Variants in KCNN3 observed in about 807,000 individuals in gnomAD.
KCNN3 encodes potassium calcium-activated channel subfamily N member 3, also known as small conductance calcium-activated potassium channel protein 3.
Under a neutral mutation model 62.9 loss-of-function variants are expected in KCNN3, and 16 were observed. The ratio of observed to expected loss-of-function variants is 0.25; its 90% confidence interval spans 0.17 to 0.39. The LOEUF (loss-of-function observed/expected upper bound fraction) is 0.39. KCNN3 is among the 10% of genes least tolerant of loss of function. The probability of loss-of-function intolerance (pLI) is 1.00; values close to 1 mark genes in which losing one functional copy is unlikely to be tolerated. For missense variants in KCNN3, 599 were observed against 949.4 expected (o/e 0.63, Z 4.85); for synonymous variants, 370 against 389.2 (o/e 0.95, Z 0.58).
intron 2 of KCNN3, among the ~76,000 whole-genome samples, chr1:154,803,628 G>A (rs966904346): frequency 6.6e-5 from 10 of 152,326 alleles, no homozygotes; most frequent in South Asian, 6.2e-4. Context: ...ACCAAGGAGC[G>A]TTGAGTCCTG....
chr1:154,853,068 C>G (rs1558007927), intron 1 of KCNN3, among the ~76,000 whole-genome samples: 1 of 152,152 alleles, frequency 6.6e-6, no homozygotes, highest in Non-Finnish European at 1.5e-5. Flanking sequence ...CAGCTCACTG[C>G]ATCCTCGAAT....
Position 154,822,198 on chromosome 1 carries a change from GGA to G in KCNN3, c.934-16_934-15del. The G allele has an allele frequency of 6.3e-6, 10 of 1,580,326 alleles. No individual in the cohort carries two copies. Among genetic ancestry groups the G allele is most frequent in the Non-Finnish European group, 8.7e-6 (10 of 1,149,084 alleles). ...AAACATGGAGTCCTGCAGGAACAAT[GGA>G]GAGAGAGAATTAGGGAGTGCGGGGA... On this transcript the variant is annotated splice_polypyrimidine_tract_variant and intron_variant, in intron 1 of 7. Coordinates refer to ENST00000271915, the MANE Select transcript of KCNN3 (RefSeq NM_002249.6).
chr1:154,712,278 T>C (rs1245905120), intron 7 of KCNN3, among the ~76,000 whole-genome samples: 1 of 152,116 alleles, frequency 6.6e-6, no homozygotes, highest in Admixed American at 6.5e-5. Flanking sequence ...GTTTCTGATA[T>C]TAAAACCAAC....
chr1:154,861,324 G>A (rs891071883), intron 1 of KCNN3, among the ~76,000 whole-genome samples: 1 of 152,098 alleles, frequency 6.6e-6, no homozygotes, highest in Non-Finnish European at 1.5e-5. Context: ...GCCTGAGTGT[G>A]CAGAACTCTG....
intron 5 of KCNN3, among the ~76,000 whole-genome samples, chr1:154,721,266 A>G (rs1700340243): frequency 6.6e-6 from 1 of 150,734 alleles, no homozygotes; most frequent in South Asian, 2.1e-4. Context: ...GTGTGTCCAT[A>G]GCAGCCCACT....
chr1:154,783,653 T>A (rs905178036), intron 2 of KCNN3, among the ~76,000 whole-genome samples: 2 of 152,032 alleles, frequency 1.3e-5, no homozygotes, highest in African/African-American at 2.4e-5. Flanking sequence ...GCCCTAGAAA[T>A]GAACAGGAAC....
chr1:154,841,281 C>T (rs1571328049), intron 1 of KCNN3, among the ~76,000 whole-genome samples: 3 of 152,356 alleles, frequency 2.0e-5, no homozygotes, highest in South Asian at 2.1e-4. Context: ...ATTTAGTAAG[C>T]GCTCTCCACG....
chr1:154,761,543 C>T (rs1321567010), intron 3 of KCNN3, among the ~76,000 whole-genome samples: 2 of 152,148 alleles, frequency 1.3e-5, no homozygotes, highest in African/African-American at 4.8e-5. Flanking sequence ...TATTTCTGCA[C>T]CTATCTATAA....
intron 2 of KCNN3, among the ~76,000 whole-genome samples, chr1:154,820,408 T>A (rs1387906507): frequency 6.6e-6 from 1 of 152,258 alleles, no homozygotes; most frequent in Non-Finnish European, 1.5e-5. Context: ...GCCTGGGTCA[T>A]AACTGAGTTT....
intron 2 of KCNN3, among the ~76,000 whole-genome samples, chr1:154,805,101 A>G (rs1650114629): frequency 6.6e-6 from 1 of 152,206 alleles, no homozygotes; most frequent in South Asian, 2.1e-4. Context: ...GGTCCTCTCT[A>G]CACATCTAAT....
intron 3 of KCNN3, among the ~76,000 whole-genome samples, chr1:154,741,353 T>TGGTACCTTC (rs1417364907): frequency 8.5e-5 from 13 of 152,254 alleles, no homozygotes; most frequent in African/African-American, 3.1e-4. Flanking sequence ...AGCCTTTCCT[T>TGGTACCTTC]GGTACCTTCT....
At chr1:154,830,271 G>C (rs1328408429) in intron 1 of KCNN3, among the ~76,000 whole-genome samples, 1 of 152,228 alleles carries the variant, frequency 6.6e-6, no homozygotes, top group Non-Finnish European at 1.5e-5. Context: ...TTCTAGAGAT[G>C]AGGGATCTGA....
At chr1:154,795,669 T>C (rs1649704698) in intron 2 of KCNN3, among the ~76,000 whole-genome samples, 3 of 152,164 alleles carry the variant, frequency 2.0e-5, no homozygotes. Flanking sequence ...GAGACGTCTG[T>C]ATGCATGAGG....
chr1:154,817,952 G>A (rs772434228), intron 2 of KCNN3, among the ~76,000 whole-genome samples: 12 of 152,072 alleles, frequency 7.9e-5, no homozygotes, highest in Non-Finnish European at 1.3e-4. Context: ...AGGGGCTGCC[G>A]GTGGCATGTA....
intron 1 of KCNN3, among the ~76,000 whole-genome samples, chr1:154,865,102 G>A (rs1652902310): frequency 6.6e-6 from 1 of 152,088 alleles, no homozygotes; most frequent in Non-Finnish European, 1.5e-5. Context: ...AGGGCAGCCA[G>A]GCCTTTCCCT....
chr1:154,712,031 G>T (rs913703191), intron 7 of KCNN3, among the ~76,000 whole-genome samples: 3 of 151,402 alleles, frequency 2.0e-5, no homozygotes, highest in African/African-American at 7.3e-5. Flanking sequence ...AGAGAGACAG[G>T]GAAAGGGAGA....
intron 4 of KCNN3, among the ~76,000 whole-genome samples, chr1:154,732,438 C>A (rs1193219147): frequency 6.6e-6 from 1 of 152,186 alleles, no homozygotes; most frequent in African/African-American, 2.4e-5. Context: ...AGAGCCCAGC[C>A]CCTCCATAGG....
intron 2 of KCNN3, among the ~76,000 whole-genome samples, chr1:154,819,407 G>A (rs1297787321): frequency 3.3e-5 from 5 of 152,216 alleles, no homozygotes; most frequent in Non-Finnish European, 5.9e-5. Flanking sequence ...GCCGAGAAGA[G>A]TATACTGTCA....
intron 5 of KCNN3, among the ~76,000 whole-genome samples, chr1:154,725,096 C>T (rs1419828394): frequency 7.2e-5 from 11 of 152,086 alleles, no homozygotes; most frequent in Non-Finnish European, 1.5e-4. Flanking sequence ...CCTCATGCTC[C>T]GCCCGCCTCG....
Sources: allele counts gnomAD v4.1 joint callset (sites outside exome capture counted in the v4.1 genomes callset), GRCh38; gene constraint gnomAD v4.1.1; transcripts MANE v1.5; gene names NCBI Gene and HGNC (gene_info 2026-07-23, HGNC 2026-07-21).